Variants in AHCTF1 observed in about 807,000 individuals in gnomAD.
AHCTF1 encodes the protein protein ELYS.
AHCTF1 carries 24 observed loss-of-function variants against 248.4 expected under a neutral mutation model. That is an observed-to-expected ratio of 0.10 (90% confidence interval 0.07 to 0.14). AHCTF1 has a LOEUF of 0.14. Ranked by LOEUF, AHCTF1 falls within the 10% of genes least tolerant of loss-of-function variation. The pLI is 1.00. For synonymous variants in AHCTF1, 786 were observed against 929.8 expected, an observed-to-expected ratio of 0.85 and a Z score of 2.81; for missense variants, 2,206 against 2,636.2, an observed-to-expected ratio of 0.84 and a Z score of 3.57.
Position 246,916,214 on chromosome 1 carries a change from T to C in AHCTF1, c.303A>G (p.Thr101=), listed in dbSNP as rs760177980. The change falls in exon 3 of 36, where the codon ACA becomes ACG. Residue 101 remains threonine, a synonymous_variant. Transcript: ENST00000648844. The part of the protein sequence containing the change: ...RTGLLIGLEE[T]EGSVLCLYDL... Reference sequence around the variant, plus strand: ...CATAAAGACAGAGAACACTCCCTTCTGTTTCTTCCAATCCTATTAATAATC... The same window carrying C: ...CATAAAGACAGAGAACACTCCCTTCCGTTTCTTCCAATCCTATTAATAATC... 3.7e-6 allele frequency: 6 copies of C among 1,606,186 alleles called. No homozygotes were observed. Among genetic ancestry groups the C allele is most frequent in the Admixed American group, 1.7e-5 (1 of 59,220 alleles).
chr1:246,919,451 C>T (rs1390399659), intron 1 of AHCTF1, among the ~76,000 whole-genome samples: 1 of 152,108 alleles, frequency 6.6e-6, no homozygotes, highest in Non-Finnish European at 1.5e-5. Context: ...TGGTGGCTCA[C>T]GCCTGTAATC....
rs752454417 is a variant in AHCTF1, at chr1:246,876,994, C to T, written c.2893G>A (p.Val965Met). 1 of 1,612,104 alleles carries T rather than the reference C, an allele frequency of 6.2e-7. No individual in the cohort carries two copies. Among genetic ancestry groups the T allele is most frequent in the Non-Finnish European group, 8.5e-7 (1 of 1,179,932 alleles). The change falls in exon 23 of 36, where the codon GTG becomes ATG. Residue 965 changes from valine (V) to methionine (M), a missense_variant. Transcript: ENST00000648844. ...LVHHLQRANY[V>M]PALKLNQTLK... ...GTTTGGTTCAGCTTCAAGGCAGGCA[C>T]ATAATTGGCACGCTGCAAATGGTGC...
chr1:246,908,756 A>G (rs1373559389), intron 4 of AHCTF1, among the ~76,000 whole-genome samples: 3 of 150,634 alleles, frequency 2.0e-5, no homozygotes, highest in Non-Finnish European at 3.0e-5. Context: ...TTAGCCGGGC[A>G]TGGCGGCGTG....
At chr1:246,845,325 T>C (rs535085900) in intron 33 of AHCTF1, among the ~76,000 whole-genome samples, 1 of 152,110 alleles carries the variant, frequency 6.6e-6, no homozygotes, top group African/African-American at 2.4e-5. Context: ...AAATGTTTTT[T>C]GTGGGTACAC....
Position 246,857,943 on chromosome 1 carries a change from T to C in AHCTF1, c.4133-129A>G, listed in dbSNP as rs1661219187. On this transcript the variant is annotated intron_variant, in intron 29 of 35. Transcript: ENST00000648844. ...TTCTTTTAGGTTTGCTGCTGTGTTA[T>C]CAGACTGCTAACACTTTCTTCTTTT... is the stretch of plus-strand genomic sequence containing the variant. The C allele has an allele frequency of 1.0e-5, 8 of 764,512 alleles. No homozygotes were observed. The South Asian group carries it at 1.4e-4, about 13-fold the overall frequency. The allele number at this position is 764,512 out of a possible 1,614,324, so 47.4% of individuals were successfully genotyped here.
At chr1:246,892,875 G>A (rs1156445849) in intron 14 of AHCTF1, among the ~76,000 whole-genome samples, 1 of 152,030 alleles carries the variant, frequency 6.6e-6, no homozygotes, top group East Asian at 1.9e-4. Flanking sequence ...TGAACTCCTG[G>A]CCTCAAGCAA....
At chr1:246,901,882 T>C (rs558166538) in intron 8 of AHCTF1, among the ~76,000 whole-genome samples, 9 of 152,286 alleles carry the variant, frequency 5.9e-5, no homozygotes, top group Admixed American at 4.6e-4. Context: ...TGACAACATG[T>C]GCTTTTCACA....
intron 24 of AHCTF1, among the ~76,000 whole-genome samples, chr1:246,869,128 C>T (rs142177309): frequency 3.3e-5 from 5 of 151,952 alleles, no homozygotes; most frequent in Admixed American, 6.6e-5. Context: ...CAGGCGTGAG[C>T]CACCACGCCC....
chr1:246,924,522 T>C (rs1038920453), intron 1 of AHCTF1, among the ~76,000 whole-genome samples: 1 of 152,080 alleles, frequency 6.6e-6, no homozygotes, highest in African/African-American at 2.4e-5. Flanking sequence ...ACAGTACATA[T>C]TTATGTAGCC....
At chr1:246,912,476 C>T (rs1367564382) in intron 4 of AHCTF1, among the ~76,000 whole-genome samples, 7 of 148,730 alleles carry the variant, frequency 4.7e-5, no homozygotes, top group Admixed American at 1.3e-4. Flanking sequence ...AGCGAGACGC[C>T]GTCTCCAAAA....
At chr1:246,859,954 G>A (rs1465708741) in intron 29 of AHCTF1, among the ~76,000 whole-genome samples, 1 of 152,104 alleles carries the variant, frequency 6.6e-6, no homozygotes, top group Non-Finnish European at 1.5e-5. Flanking sequence ...TAAAACTGGT[G>A]GATAAGTTAA....
Position 246,898,200 on chromosome 1 carries a change from C to G in AHCTF1, c.1623+8G>C. 1 of 1,611,604 alleles carries G rather than the reference C, an allele frequency of 6.2e-7. No individual in the cohort carries two copies. Among genetic ancestry groups the G allele is most frequent in the South Asian group, 1.1e-5 (1 of 90,846 alleles). ...CAAAAGAAACAATAGAGTTAAAAAT[C>G]ATCTCACTTGGCTTAAACTGGAAGG... On this transcript the variant is annotated splice_region_variant and intron_variant, in intron 12 of 35. Coordinates refer to ENST00000648844, the MANE Select transcript of AHCTF1 (RefSeq NM_001323342.2).
chr1:246,912,609 TA>T (rs1024162461), intron 4 of AHCTF1, among the ~76,000 whole-genome samples: 3 of 152,168 alleles, frequency 2.0e-5, no homozygotes, highest in African/African-American at 7.2e-5. Flanking sequence ...CCTTTCTTCA[TA>T]AACCAGAGAC....
intron 29 of AHCTF1, 135 bp downstream of exon 29, chr1:246,860,764 C>A (rs1356989218): frequency 1.6e-6 from 2 of 1,213,558 alleles, no homozygotes; most frequent in Non-Finnish European, 2.3e-6. Context: ...CCTCAGCCTC[C>A]CAAAGTGCTG....
At chr1:246,928,236 G>C (rs1667089225) in intron 1 of AHCTF1, among the ~76,000 whole-genome samples, 1 of 150,600 alleles carries the variant, frequency 6.6e-6, no homozygotes, top group African/African-American at 2.5e-5. Context: ...CCGGGAGGCG[G>C]ACCTGGCAGT....
intron 4 of AHCTF1, among the ~76,000 whole-genome samples, chr1:246,912,212 T>TCA (rs1665858286): frequency 6.6e-6 from 1 of 152,060 alleles, no homozygotes; most frequent in South Asian, 2.1e-4. Flanking sequence ...GTGTGGTGGC[T>TCA]CACACCTGTA....
intron 1 of AHCTF1, among the ~76,000 whole-genome samples, chr1:246,926,720 T>C (rs1007159130): frequency 1.3e-5 from 2 of 151,734 alleles, no homozygotes; most frequent in Non-Finnish European, 2.9e-5. Flanking sequence ...CCAGGTGTGG[T>C]GGCGCATGCC....
At chr1:246,895,981 T>C (rs567593409) in intron 12 of AHCTF1, 56 bp from the exon 13 acceptor site, 11 of 1,446,860 alleles carry the variant, frequency 7.6e-6, no homozygotes, top group African/African-American at 2.8e-5. Flanking sequence ...TGTGAGATCA[T>C]AGGCAAGTTC....
rs1259893613 is a variant in AHCTF1, at chr1:246,850,789, A to C, written c.5217T>G (p.Thr1739=). 1 of 1,613,722 alleles carries C rather than the reference A, an allele frequency of 6.2e-7. No individual in the cohort carries two copies. The highest frequency in any genetic ancestry group is 8.5e-7 in the Non-Finnish European group (1 of 1,179,826). Residue 1739 remains threonine, a synonymous_variant, in exon 33 of 36, where the codon ACT becomes ACG. Transcript: ENST00000648844. ...SQVDDVVSSK[T]RTRGQRIQNV... is the part of the protein sequence containing the mutation. Reference sequence around the variant, plus strand: ...TTTGGATACGTTGACCTCTCGTACGAGTTTTGGAGGAAACCACGTCATCAA... The same window carrying C: ...TTTGGATACGTTGACCTCTCGTACGCGTTTTGGAGGAAACCACGTCATCAA...
Sources: gnomAD v4.1 joint callset for allele counts (sites outside exome capture counted in the v4.1 genomes callset) on GRCh38, gnomAD v4.1.1 for gene constraint, MANE v1.5 for transcripts, NCBI Gene and HGNC (gene_info 2026-07-23, HGNC 2026-07-21) for gene names.